The following ELP4 variants were observed in gnomAD, a reference collection of about 807,000 sequenced individuals.
ELP4 encodes the protein elongator acetyltransferase complex subunit 4.
ELP4 carries 51 observed loss-of-function variants against 48.9 expected under a neutral mutation model. The observed-to-expected ratio is 1.04, with a 90% CI of 0.83 to 1.32. The LOEUF is 1.32. ELP4 is among the 40% of genes most tolerant of loss of function. The pLI is 0.00. For missense variants in ELP4, 519 were observed against 514.6 expected, an observed-to-expected ratio of 1.01 and a Z score of -0.08; for synonymous variants, 210 against 189.2, an observed-to-expected ratio of 1.11 and a Z score of -0.90.
intron 7 of ELP4, among the ~76,000 whole-genome samples, chr11:31,643,946 G>A (rs1249036369): frequency 1.3e-5 from 2 of 151,756 alleles, no homozygotes; most frequent in African/African-American, 2.4e-5. Context: ...ATTAAATTAT[G>A]TTGCAACAGA....
intron 3 of ELP4, among the ~76,000 whole-genome samples, chr11:31,566,754 A>G (rs1957118091): frequency 6.6e-6 from 1 of 152,224 alleles, no homozygotes; most frequent in Non-Finnish European, 1.5e-5. Flanking sequence ...AAGTATTCCC[A>G]CCTGAACTAA....
intron 3 of ELP4, among the ~76,000 whole-genome samples, chr11:31,551,515 T>C (rs1409950817): frequency 1.3e-5 from 2 of 152,168 alleles, no homozygotes; most frequent in Non-Finnish European, 2.9e-5. Flanking sequence ...CTGTGCTTCT[T>C]AGTGCCTCAA....
At chr11:31,590,404 A>G (rs1352245616) in intron 3 of ELP4, among the ~76,000 whole-genome samples, 9 of 152,210 alleles carry the variant, frequency 5.9e-5, no homozygotes, top group Non-Finnish European at 1.2e-4. Flanking sequence ...CTCACACAGT[A>G]TATAAAAATT....
intron 9 of ELP4, chr11:31,650,603 T>G (rs1945299623): frequency 6.1e-6 from 1 of 164,558 alleles, no homozygotes; most frequent in South Asian, 2.0e-4. Flanking sequence ...AGAGGATTCT[T>G]ATCTACATTT....
At chr11:31,733,492 AAAAG>A (rs1223557680) in intron 9 of ELP4, among the ~76,000 whole-genome samples, 2 of 151,274 alleles carry the variant, frequency 1.3e-5, no homozygotes, top group Non-Finnish European at 2.9e-5. Flanking sequence ...AAAAAAAAAA[AAAAG>A]GAAAGGAAAA....
At chr11:31,647,398 A>G in intron 7 of ELP4, 1 of 193,950 alleles carries the variant, frequency 5.2e-6, no homozygotes, top group Non-Finnish European at 1.1e-5. Context: ...TAATTTGAAA[A>G]ATAATCATGT....
chr11:31,577,994 G>A (rs1260653184), intron 3 of ELP4, among the ~76,000 whole-genome samples: 12 of 152,290 alleles, frequency 7.9e-5, no homozygotes, highest in Non-Finnish European at 2.9e-5. Flanking sequence ...AGAAAAAGAG[G>A]AAGTCATATT....
At chr11:31,745,642 A>T (rs1383121434) in intron 9 of ELP4, among the ~76,000 whole-genome samples, 1 of 152,256 alleles carries the variant, frequency 6.6e-6, no homozygotes, top group Non-Finnish European at 1.5e-5. Flanking sequence ...CAATGGGGAA[A>T]GGATTCCCTA....
At chr11:31,645,382 A>G (rs1945179305) in intron 7 of ELP4, among the ~76,000 whole-genome samples, 1 of 151,796 alleles carries the variant, frequency 6.6e-6, no homozygotes, top group Non-Finnish European at 1.5e-5. Context: ...GTTTATTAGT[A>G]AATGTTAAGA....
At chr11:31,657,107 A>C (rs1397047319) in intron 9 of ELP4, among the ~76,000 whole-genome samples, 6 of 152,040 alleles carry the variant, frequency 3.9e-5, no homozygotes, top group African/African-American at 1.4e-4. Flanking sequence ...GGTGCCTGTA[A>C]TACAAATGCT....
chr11:31,741,583 T>G (rs960847936), intron 9 of ELP4, among the ~76,000 whole-genome samples: 3 of 152,158 alleles, frequency 2.0e-5, no homozygotes, highest in Non-Finnish European at 4.4e-5. Flanking sequence ...GCATCTGCAG[T>G]TCACCAATAT....
chr11:31,538,046 T>C (rs762724480), intron 2 of ELP4, among the ~76,000 whole-genome samples: 8 of 152,124 alleles, frequency 5.3e-5, no homozygotes, highest in African/African-American at 2.4e-5. Context: ...TTTTGTACTT[T>C]TCACTGTAGA....
At position 31,616,933 on chromosome 11, in the gene ELP4, T is replaced by A. The variant is rs540782430; in HGVS notation, c.654-10177T>A. ...AAAAAGTAAAAAAGAACAGAAAAGA[T>A]CAAGTGTTGGTTAGGATGTGGAGAA... On this transcript the variant is annotated intron_variant, in intron 5 of 9. Coordinates refer to ENST00000640961, the MANE Select transcript of ELP4 (RefSeq NM_019040.5). 1.8e-3 allele frequency among the ~76,000 whole-genome samples: 268 copies of A among 152,114 alleles called. 1 individual carries two copies. Among genetic ancestry groups the A allele is most frequent in the African/African-American group, 6.0e-3 (249 of 41,516 alleles).
intron 9 of ELP4, among the ~76,000 whole-genome samples, chr11:31,700,824 T>C (rs887302842): frequency 2.0e-5 from 3 of 152,086 alleles, no homozygotes; most frequent in Admixed American, 6.6e-5. Flanking sequence ...AATATAAGAA[T>C]GTTCTCATTG....
In ELP4 at chr11:31,560,684, A is replaced by ATTGTTTTATATATATATAAAACAATG. The variant is rs1565053635; in HGVS notation, c.381+20925_381+20926insTGTTGTTTTATATATATATAAAACAA. On this transcript the variant is annotated intron_variant, in intron 3 of 9. Transcript: ENST00000640961. ...AATTATTTTCTATTATAAAGACCACATTGTTTTATATATATATAAAACAAC... is the reference window on the plus strand; with the variant it reads ...AATTATTTTCTATTATAAAGACCACATTGTTTTATATATATATAAAACAATGTTGTTTTATATATATATAAAACAAC... 1.1e-4 allele frequency among the ~76,000 whole-genome samples: 12 copies of ATTGTTTTATATATATATAAAACAATG among 108,800 alleles called. No individual in the cohort carries two copies. In the South Asian group the frequency reaches 1.3e-3, roughly 12 times the overall value. The allele number at this position is 108,800 out of a possible 152,430, so 71.4% of individuals were successfully genotyped here.
intron 9 of ELP4, among the ~76,000 whole-genome samples, chr11:31,724,270 C>G (rs1165343588): frequency 6.6e-6 from 1 of 152,182 alleles, no homozygotes; most frequent in African/African-American, 2.4e-5. Context: ...CAACCAACAT[C>G]TTACTGCTGG....
intron 9 of ELP4, among the ~76,000 whole-genome samples, chr11:31,695,058 C>T (rs958277645): frequency 2.6e-5 from 4 of 152,010 alleles, no homozygotes; most frequent in South Asian, 2.1e-4. Flanking sequence ...GATTTTGGGC[C>T]AAGACAATGG....
chr11:31,510,083 C>A, intron 1 of ELP4, 76 bp downstream of exon 1: 1 of 1,361,670 alleles, frequency 7.3e-7, no homozygotes, highest in South Asian at 1.2e-5. Flanking sequence ...GCCACTTTGA[C>A]CCCACATCTC....
At chr11:31,549,506 T>C (rs577603610) in intron 3 of ELP4, among the ~76,000 whole-genome samples, 6,132 of 151,592 alleles carry the variant, frequency 0.04, 174 homozygotes, top group Middle Eastern at 0.062. Flanking sequence ...GGAGAGGATG[T>C]GGAGAAATAG....
Sources: allele counts gnomAD v4.1 joint callset (sites outside exome capture counted in the v4.1 genomes callset), GRCh38; gene constraint gnomAD v4.1.1; transcripts MANE v1.5; gene names NCBI Gene and HGNC (gene_info 2026-07-23, HGNC 2026-07-21).